Variants in IMPA2 observed in about 807,000 individuals in gnomAD.
The protein encoded by IMPA2 is inositol monophosphatase 2.
Under a neutral mutation model 35.1 loss-of-function variants are expected in IMPA2, and 32 were observed. The ratio of observed to expected loss-of-function variants is 0.91; its 90% CI spans 0.69 to 1.23. The LOEUF (loss-of-function observed/expected upper bound fraction) is 1.23. Ranked by LOEUF, IMPA2 falls within the 50% of genes most tolerant of loss-of-function variation. The pLI is 0.00. For synonymous variants in IMPA2, 135 were observed against 160.6 expected (o/e 0.84, Z 1.20); for missense variants, 334 against 387.6 (o/e 0.86, Z 1.16).
intron 2 of IMPA2, among the ~76,000 whole-genome samples, chr18:12,007,628 C>CTTTCTTTCTTTCTTTCTTTCT (rs374480021): frequency 3.4e-5 from 4 of 116,790 alleles, no homozygotes; most frequent in African/African-American, 7.3e-5. Flanking sequence ...CTTTTTCTTT[C>CTTTCTTTCTTTCTTTCTTTCT]TTCTTTCTTT....
At position 11,981,745 on chromosome 18, in the gene IMPA2, C is replaced by G; in HGVS notation, c.76C>G (p.Leu26Val). Residue 26 changes from leucine to valine, a missense_variant, in exon 1 of 8, where the codon CTG (leucine) becomes GTG (valine). By Grantham distance (32) the Leu-to-Val change is conservative. Transcript: ENST00000269159. Reference sequence around the variant, plus strand: ...GGAGTGCTTCCAGGCGGCCGTGCAGCTGGCGCTGCGGGCAGGACAGGTGAG... The same window carrying G: ...GGAGTGCTTCCAGGCGGCCGTGCAGGTGGCGCTGCGGGCAGGACAGGTGAG... ...WEECFQAAVQ[L>V]ALRAGQIIRK... is the part of the protein sequence containing the mutation. 8.1e-7 allele frequency: 1 copy of G among 1,229,040 alleles called. No individual in the cohort carries two copies. The highest frequency in any genetic ancestry group is 1.0e-6 in the Non-Finnish European group (1 of 986,082). The allele number at this position is 1,229,040 out of a possible 1,614,324, so 76.1% of individuals were successfully genotyped here. A position where few individuals can be genotyped will look rare whatever the true frequency, so the allele number is the denominator to read the frequency against.
At chr18:12,023,762 T>C (rs1303027092) in intron 5 of IMPA2, among the ~76,000 whole-genome samples, 1 of 152,206 alleles carries the variant, frequency 6.6e-6, no homozygotes, top group African/African-American at 2.4e-5. Flanking sequence ...GCCCTGTGTG[T>C]TAGGATTTCA....
intron 1 of IMPA2, among the ~76,000 whole-genome samples, chr18:11,986,239 G>T (rs886087543): frequency 1.2e-4 from 18 of 152,146 alleles, no homozygotes; most frequent in Non-Finnish European, 1.3e-4. Context: ...CCCTTGTCCG[G>T]CCAGATCTGG....
chr18:12,014,597 G>A (rs763562380), intron 5 of IMPA2, among the ~76,000 whole-genome samples: 85 of 151,966 alleles, frequency 5.6e-4, no homozygotes, highest in South Asian at 4.2e-4. Context: ...TCTGCTTTGC[G>A]CTCACATCCC....
chr18:12,026,049 T>C (rs1462145899), intron 5 of IMPA2, among the ~76,000 whole-genome samples: 1 of 151,786 alleles, frequency 6.6e-6, no homozygotes, highest in East Asian at 1.9e-4. Context: ...TTTTTTTTTT[T>C]TTGAGATGGA....
chr18:12,019,106 G>A (rs999420516), intron 5 of IMPA2, among the ~76,000 whole-genome samples: 3 of 152,056 alleles, frequency 2.0e-5, no homozygotes, highest in Non-Finnish European at 4.4e-5. Context: ...AATTACAGGT[G>A]TGAGCCACCA....
At chr18:12,022,557 T>TG (rs1907762837) in intron 5 of IMPA2, among the ~76,000 whole-genome samples, 3 of 73,674 alleles carry the variant, frequency 4.1e-5, no homozygotes, top group African/African-American at 4.2e-5. Context: ...ATATATATAT[T>TG]TGTGTGTGTG....
At chr18:12,002,424 G>C (rs1407876620) in intron 2 of IMPA2, among the ~76,000 whole-genome samples, 1 of 152,068 alleles carries the variant, frequency 6.6e-6, no homozygotes, top group Non-Finnish European at 1.5e-5. Context: ...AAATCCAAAG[G>C]TTTGCTCCTT....
chr18:11,985,965 C>T (rs1329778728), intron 1 of IMPA2, among the ~76,000 whole-genome samples: 1 of 152,178 alleles, frequency 6.6e-6, no homozygotes, highest in Non-Finnish European at 1.5e-5. Context: ...GACTTTTGCC[C>T]ATTACAAAAG....
intron 5 of IMPA2, among the ~76,000 whole-genome samples, chr18:12,023,177 A>C (rs1354765697): frequency 6.6e-6 from 1 of 152,128 alleles, no homozygotes; most frequent in Non-Finnish European, 1.5e-5. Flanking sequence ...CAGAAGAAGA[A>C]GGTGCTGGAT....
chr18:12,001,600 G>A (rs983409920), intron 2 of IMPA2, among the ~76,000 whole-genome samples: 3 of 152,198 alleles, frequency 2.0e-5, no homozygotes, highest in Admixed American at 6.5e-5. Context: ...GATACTCGCT[G>A]TTGTGTACAC....
Position 12,012,201 on chromosome 18 carries a change from G to T in IMPA2, c.367G>T (p.Ala123Ser). 2 of 1,614,170 alleles carry T rather than the reference G, an allele frequency of 1.2e-6. No individual in the cohort carries two copies. The highest frequency in any genetic ancestry group is 8.5e-7 in the Non-Finnish European group (1 of 1,180,004). Residue 123 changes from alanine (A) to serine (S), a missense_variant, in exon 4 of 8, where the codon GCT (alanine) becomes TCT (serine). By Grantham distance (99) the Ala-to-Ser change is moderately conservative. Transcript: ENST00000269159. ...GACTGTGGCGGTTAGCATTGGATTT[G>T]CTGTTCGACAAGAGGTGCGGGTGTG... ...FPTVAVSIGF[A>S]VRQELEFGVI... is the part of the protein sequence containing the mutation.
At chr18:12,012,116 C>T (rs901525680) in intron 3 of IMPA2, 54 bp from the exon 4 acceptor site, 5 of 1,567,964 alleles carry the variant, frequency 3.2e-6, no homozygotes, top group Non-Finnish European at 2.6e-6. Context: ...ACACAGGCTC[C>T]CGAGAGCTGC....
At chr18:12,007,141 G>T (rs1162353792) in intron 2 of IMPA2, among the ~76,000 whole-genome samples, 2 of 152,030 alleles carry the variant, frequency 1.3e-5, no homozygotes, top group Non-Finnish European at 2.9e-5. Flanking sequence ...AAAAAAAAGT[G>T]ACATCGAATA....
intron 1 of IMPA2, among the ~76,000 whole-genome samples, chr18:11,982,496 C>G (rs545611772): frequency 7.2e-5 from 11 of 152,236 alleles, no homozygotes; most frequent in African/African-American, 2.6e-4. Context: ...ATGTTTGTCT[C>G]TTAGGATGTG....
At chr18:11,985,971 A>G (rs573463771) in intron 1 of IMPA2, among the ~76,000 whole-genome samples, 1 of 152,302 alleles carries the variant, frequency 6.6e-6, no homozygotes, top group South Asian at 2.1e-4. Context: ...TGCCCATTAC[A>G]AAAGGGGTTT....
chr18:11,982,193 A>G (rs977700366), intron 1 of IMPA2, among the ~76,000 whole-genome samples: 5 of 152,182 alleles, frequency 3.3e-5, no homozygotes, highest in Admixed American at 3.3e-4. Flanking sequence ...CAGCATCCTC[A>G]ACCCAAACTT....
rs890225944 is a variant in IMPA2, at chr18:12,028,031, T to C, written c.491-12T>C. The C allele has an allele frequency of 6.3e-7, 1 of 1,591,938 alleles. No homozygotes were observed. ...TGATTTTTCTGGTGACAGGAAATTC[T>C]TTTTATTGCAGATCTCTCAAAGGCC... is the stretch of plus-strand genomic sequence containing the variant. On this transcript the variant is annotated splice_polypyrimidine_tract_variant and intron_variant, in intron 5 of 7. Transcript: ENST00000269159.
rs1422833511 is a variant in IMPA2, at chr18:11,999,207, A to G, written c.230+20A>G. The G allele has an allele frequency of 6.2e-7, 1 of 1,608,738 alleles. No individual in the cohort carries two copies. The highest frequency in any genetic ancestry group is 8.5e-7 in the Non-Finnish European group (1 of 1,177,064). On this transcript the variant is annotated intron_variant, in intron 2 of 7. Coordinates refer to ENST00000269159, the MANE Select transcript of IMPA2 (RefSeq NM_014214.3). ...ACACAGGTAGGTGTACTCCTCTGGG[A>G]AACACCCCCAGTAACCCTGGCCACA...
Sources: allele counts gnomAD v4.1 joint callset (sites outside exome capture counted in the v4.1 genomes callset), GRCh38; gene constraint gnomAD v4.1.1; transcripts MANE v1.5; gene names NCBI Gene and HGNC (gene_info 2026-07-23, HGNC 2026-07-21).